Variants in DSN1 observed in about 807,000 individuals in gnomAD.
DSN1 encodes kinetochore-associated protein DSN1 homolog.
Under a neutral mutation model 45.7 loss-of-function variants are expected in DSN1, and 31 were observed. The observed-to-expected ratio is 0.68, with a 90% CI of 0.51 to 0.92. The LOEUF is 0.92. Ranked by LOEUF, DSN1 falls within the 40% of genes least tolerant of loss-of-function variation. DSN1 has a pLI of 0.00. For synonymous variants in DSN1, 134 were observed against 142.3 expected (o/e 0.94, Z 0.41); for missense variants, 394 against 414.2 (o/e 0.95, Z 0.42).
At chr20:36,759,384 A>G (rs1312530538) in intron 6 of DSN1, among the ~76,000 whole-genome samples, 1 of 152,214 alleles carries the variant, frequency 6.6e-6, no homozygotes, top group African/African-American at 2.4e-5. Context: ...CAAAATGCTC[A>G]GATTACAGGT....
intron 6 of DSN1, 113 bp downstream of exon 6, chr20:36,762,348 A>C: frequency 2.6e-6 from 2 of 769,420 alleles, no homozygotes; most frequent in South Asian, 4.0e-5. Context: ...CTGACCTCGT[A>C]ATCCGCCCAC....
Position 36,771,843 on chromosome 20 carries a change from A to T in DSN1, c.-15-370T>A, listed in dbSNP as rs79072139. Among the ~76,000 whole-genome samples the T allele has an allele frequency of 2.7e-3, 405 of 152,334 alleles. 1 individual carries two copies. The highest frequency in any genetic ancestry group is 9.3e-3 in the African/African-American group (387 of 41,576). ...AGATCCAAAGTCCTAACTGTTTTAT[A>T]AACAGTCTCTAAATCTTTTCTCCAT... On this transcript the variant is annotated intron_variant, in intron 1 of 10. Transcript: ENST00000373750.
intron 1 of DSN1, 69 bp downstream of exon 1, chr20:36,773,593 G>A: frequency 1.0e-6 from 1 of 985,746 alleles, no homozygotes. Flanking sequence ...TAGTGCGGCG[G>A]CGGGCGGGGC....
rs188820189 is a variant in DSN1 at position 36,771,596 on chromosome 20, C to T, written c.-15-123G>A. On this transcript the variant is annotated intron_variant, in intron 1 of 10. Transcript: ENST00000373750. Reference sequence around the variant, plus strand: ...GCCTCTCTGAGCTACCCTTATCCACCTCCCTGACAGAGAATATCAGCAGGG... The same window carrying T: ...GCCTCTCTGAGCTACCCTTATCCACTTCCCTGACAGAGAATATCAGCAGGG... 1.7e-4 allele frequency: 133 copies of T among 772,374 alleles called. No individual in the cohort carries two copies. The African/African-American group carries it at 2.2e-3, about 13-fold the overall frequency. 47.8% of individuals were successfully genotyped at this position (772,374 alleles called of 1,614,324 possible).
At chr20:36,763,372 A>G (rs938235287) in intron 5 of DSN1, among the ~76,000 whole-genome samples, 4 of 133,798 alleles carry the variant, frequency 3.0e-5, no homozygotes, top group Non-Finnish European at 6.3e-5. Flanking sequence ...GCCACTGCAC[A>G]CCAGCCCGGG....
At chr20:36,773,526 T>C (rs1397784685) in intron 1 of DSN1, 136 bp downstream of exon 1, 6 of 985,872 alleles carry the variant, frequency 6.1e-6, no homozygotes, top group Non-Finnish European at 6.0e-6. Context: ...GTGTCCACGG[T>C]CGGGGCCGGG....
intron 6 of DSN1, among the ~76,000 whole-genome samples, chr20:36,758,963 A>G (rs1383874913): frequency 2.0e-5 from 3 of 151,676 alleles, no homozygotes; most frequent in Admixed American, 1.3e-4. Flanking sequence ...CTGGGATTAC[A>G]GGCATGAGCA....
At chr20:36,764,633 C>T (rs1320540651) in intron 5 of DSN1, among the ~76,000 whole-genome samples, 1 of 152,162 alleles carries the variant, frequency 6.6e-6, no homozygotes. Flanking sequence ...TAAAAACGAA[C>T]ATGAGGCTGA....
At chr20:36,772,611 G>C (rs1419177700) in intron 1 of DSN1, among the ~76,000 whole-genome samples, 3 of 152,172 alleles carry the variant, frequency 2.0e-5, no homozygotes, top group African/African-American at 7.2e-5. Flanking sequence ...TCAGACAGTT[G>C]CCGGGACTTT....
At chr20:36,772,508 C>T (rs1379560858) in intron 1 of DSN1, among the ~76,000 whole-genome samples, 2 of 152,050 alleles carry the variant, frequency 1.3e-5, no homozygotes, top group Non-Finnish European at 2.9e-5. Flanking sequence ...AGGCTGGTCT[C>T]GAACTCTTGA....
chr20:36,753,347 A>AG (rs937170712), intron 10 of DSN1, among the ~76,000 whole-genome samples: 1 of 151,682 alleles, frequency 6.6e-6, no homozygotes, highest in Admixed American at 6.6e-5. Context: ...CTAAAAAAAA[A>AG]AAAAAAAAGG....
intron 3 of DSN1, among the ~76,000 whole-genome samples, chr20:36,770,576 A>T (rs931557077): frequency 6.6e-6 from 1 of 152,206 alleles, no homozygotes; most frequent in Non-Finnish European, 1.5e-5. Flanking sequence ...TATAAGTAGT[A>T]AGCCAGGTGC....
At position 36,760,815 on chromosome 20, in the gene DSN1, G is replaced by A. The variant is rs112775939; in HGVS notation, c.590+1646C>T. Among the ~76,000 whole-genome samples, 786 of 152,184 alleles carry A rather than the reference G, an allele frequency of 5.2e-3. 5 individuals are homozygous for A. The highest frequency in any genetic ancestry group is 8.9e-3 in the Non-Finnish European group (603 of 67,992). On this transcript the variant is annotated intron_variant, in intron 6 of 10. Coordinates refer to ENST00000373750, the MANE Select transcript of DSN1 (RefSeq NM_001145315.2). ...TGAGGCAGGAGAATCACTTGAACTT[G>A]GGAGGCAGAGGTTGCAGTGAGTAGA...
rs190822385 is a variant in DSN1, at chr20:36,769,306, T to C, written c.356-1264A>G. On this transcript the variant is annotated intron_variant, in intron 3 of 10. Transcript: ENST00000373750. ...TGTTTTTAAAGTTCTTGTCTCTTAA[T>C]TGTCACTGCTGTTAGTCAAGAAAAA... Among the ~76,000 whole-genome samples the C allele has an allele frequency of 3.5e-3, 540 of 152,368 alleles. 2 individuals are homozygous for C. The highest frequency in any genetic ancestry group is 0.012 in the African/African-American group (508 of 41,590).
At chr20:36,768,932 T>C (rs191205146) in intron 3 of DSN1, among the ~76,000 whole-genome samples, 1 of 152,316 alleles carries the variant, frequency 6.6e-6, no homozygotes, top group East Asian at 1.9e-4. Flanking sequence ...ATAGCATTAA[T>C]AACTAACATT....
intron 9 of DSN1, 114 bp from the exon 10 acceptor site, chr20:36,754,964 G>T: frequency 1.2e-6 from 1 of 817,720 alleles, no homozygotes; most frequent in South Asian, 1.5e-5. Flanking sequence ...CTTTCAGCCT[G>T]GAATGCTTAT....
chr20:36,770,833 T>G, intron 3 of DSN1, 40 bp downstream of exon 3: 1 of 1,556,954 alleles, frequency 6.4e-7, no homozygotes, highest in Non-Finnish European at 8.6e-7. Flanking sequence ...GTCTCTTATC[T>G]GAGCTGGAAC....
chr20:36,767,235 A>G (rs1987392982), intron 4 of DSN1, among the ~76,000 whole-genome samples: 1 of 152,004 alleles, frequency 6.6e-6, no homozygotes. Context: ...TGAACCTGGG[A>G]GGCGGAGGTT....
At chr20:36,766,459 G>A (rs1211211059) in intron 5 of DSN1, among the ~76,000 whole-genome samples, 6 of 152,010 alleles carry the variant, frequency 3.9e-5, no homozygotes, top group African/African-American at 7.3e-5. Flanking sequence ...CTGAGGTCAG[G>A]AGTTCAAGAT....
Sources: gnomAD v4.1 joint callset for allele counts (sites outside exome capture counted in the v4.1 genomes callset) on GRCh38, gnomAD v4.1.1 for gene constraint, MANE v1.5 for transcripts, NCBI Gene and HGNC (gene_info 2026-07-23, HGNC 2026-07-21) for gene names.